The following ITGA7 variants were observed in gnomAD, a reference collection of about 807,000 sequenced individuals.
ITGA7 encodes the protein integrin subunit alpha 7, also known as integrin alpha-7.
A neutral mutation model predicts 131.6 loss-of-function variants in ITGA7; 84 were observed. That is an observed-to-expected ratio of 0.64 (90% CI 0.54 to 0.77). ITGA7 has a LOEUF of 0.77. Ranked by LOEUF, ITGA7 falls within the 30% of genes least tolerant of loss-of-function variation. The pLI, the probability that ITGA7 is intolerant of heterozygous loss-of-function variation, is 0.00. For missense variants in ITGA7, 1,399 were observed against 1,482.9 expected (o/e 0.94, Z 0.93); for synonymous variants, 548 against 600.7 (o/e 0.91, Z 1.28).
chr12:55,712,038 A>G (rs781368977), upstream of ITGA7: 23 of 1,537,844 alleles, frequency 1.5e-5, no homozygotes, highest in African/African-American at 2.7e-5. Context: ...CATGCACACC[A>G]TGAGAACTTT....
At chr12:55,703,592 CA>C (rs1874557543) in intron 1 of ITGA7, among the ~76,000 whole-genome samples, 1 of 152,128 alleles carries the variant, frequency 6.6e-6, no homozygotes. Flanking sequence ...AGTTGAAACC[CA>C]GCCAGAAATG....
Position 55,687,264 on chromosome 12 carries a change from A to G in ITGA7, c.3183+707T>C, listed in dbSNP as rs1279750116. ...GCAATCTTGGCTCACTGCAACCTCC[A>G]CCTCCCGGGTTCAAGCGATTCTCCT... is the stretch of plus-strand genomic sequence containing the variant. On this transcript the variant is annotated intron_variant, in intron 24 of 24. Transcript: ENST00000257879. Among the ~76,000 whole-genome samples, 4 of 121,408 alleles carry G rather than the reference A, an allele frequency of 3.3e-5. No homozygotes were observed. In the South Asian group the frequency reaches 1.1e-3, roughly 32 times the overall value. 79.6% of individuals were successfully genotyped at this position (121,408 alleles called of 152,430 possible).
chr12:55,701,269 A>G (rs1016242652), intron 3 of ITGA7, 115 bp from the exon 4 acceptor site: 2 of 1,560,240 alleles, frequency 1.3e-6, no homozygotes, highest in South Asian at 1.1e-5. Context: ...TCACATGCAC[A>G]TGCACATGCA....
Position 55,698,536 on chromosome 12 carries a change from G to A in ITGA7, c.1039C>T (p.Arg347Cys), listed in dbSNP as rs569613714. ...ACAGCACCCCCCAGCTCTTCTTGGC[G>A]CTCAAAGAAGTAGGGGGCACCCACT... ...LIVGAPYFFE[R>C]QEELGGAVYV... The change falls in exon 7 of 25, where the codon CGC (arginine) becomes TGC (cysteine). Residue 347 changes from arginine to cysteine, a missense_variant. Arg to Cys is a radical substitution (Grantham distance 180, BLOSUM62 -3). Coordinates refer to ENST00000257879, the MANE Select transcript of ITGA7 (RefSeq NM_002206.3). The A allele has an allele frequency of 1.0e-4, 168 of 1,613,906 alleles. No individual in the cohort carries two copies. In the South Asian group the frequency reaches 1.4e-3, roughly 13 times the overall value.
chr12:55,692,816 G>A, intron 21 of ITGA7, 28 bp downstream of exon 21: 1 of 1,588,542 alleles, frequency 6.3e-7, no homozygotes. Context: ...CCGGAGCTCT[G>A]GCTGCACCGA....
chr12:55,698,834 C>T lies in ITGA7; in HGVS notation c.874G>A (p.Gly292Ser). Residue 292 changes from glycine to serine, a missense_variant, in exon 6 of 25, where the codon GGT becomes AGT. Physicochemically the swap from Gly to Ser is moderately conservative, Grantham distance 56. Transcript: ENST00000257879. ...VAGAPRANHKGAVVILRKDSA... is the reference protein window; with the variant it reads ...VAGAPRANHKSAVVILRKDSA... Reference sequence around the variant, plus strand: ...TCCTTGCGCAGGATGACCACAGCACCCTTGTGGTTGGCGCGGGGGGCTCCA... The same window carrying T: ...TCCTTGCGCAGGATGACCACAGCACTCTTGTGGTTGGCGCGGGGGGCTCCA... 1 of 1,613,960 alleles carries T rather than the reference C, an allele frequency of 6.2e-7. No individual in the cohort carries two copies. Among genetic ancestry groups the T allele is most frequent in the East Asian group, 2.2e-5 (1 of 44,882 alleles).
In ITGA7 at chr12:55,693,180, C is replaced by T; in HGVS notation, c.2673G>A (p.Gln891=). The change falls in exon 20 of 25, where the codon CAG becomes CAA. Residue 891 remains glutamine, a synonymous_variant. Coordinates refer to ENST00000257879, the MANE Select transcript of ITGA7 (RefSeq NM_002206.3). ...VELEGGQGPG[Q]KGLCSPRPNI... is the part of the protein sequence containing the mutation. The stretch of plus-strand genomic sequence containing the variant: ...TGGGCCTGGGAGAGCAAAGCCCTTT[C>T]TGCCCAGGCCCCTGCCCGCCCTCCA... The T allele has an allele frequency of 1.9e-6, 3 of 1,614,118 alleles. No homozygotes were observed. Among genetic ancestry groups the T allele is most frequent in the South Asian group, 1.1e-5 (1 of 91,074 alleles).
chr12:55,704,211 C>T (rs1874693404), intron 1 of ITGA7, among the ~76,000 whole-genome samples: 1 of 152,228 alleles, frequency 6.6e-6, no homozygotes, highest in Non-Finnish European at 1.5e-5. Context: ...CCTCCATCTC[C>T]CTTCCTGGGG....
At chr12:55,692,152 C>A (rs999058947) in intron 21 of ITGA7, among the ~76,000 whole-genome samples, 6 of 152,170 alleles carry the variant, frequency 3.9e-5, no homozygotes, top group Admixed American at 1.3e-4. Flanking sequence ...GTGGCTCAGG[C>A]CTATAATCCC....
intron 3 of ITGA7, 125 bp downstream of exon 3, chr12:55,702,747 G>A (rs1189361609): frequency 2.5e-6 from 2 of 797,066 alleles, no homozygotes; most frequent in South Asian, 2.8e-5. Flanking sequence ...TCTCCCTGAT[G>A]TACTTGGAAT....
At position 55,697,018 on chromosome 12, in the gene ITGA7, C is replaced by A. The variant is rs766649206; in HGVS notation, c.1618G>T (p.Val540Phe). The A allele has an allele frequency of 2.4e-5, 39 of 1,613,974 alleles. No individual in the cohort carries two copies. The highest frequency in any genetic ancestry group is 6.7e-5 in the East Asian group (3 of 44,884). ...ADTDRRLRGQ[V>F]PRVTFLSRNL... The stretch of plus-strand genomic sequence containing the variant: ...CGGCTCAGGAACGTCACACGGGGAA[C>A]CTGGCCCCGGAGCCTCCGGTCTGTG... Residue 540 changes from valine (V) to phenylalanine (F), a missense_variant, in exon 12 of 25, where the codon GTT becomes TTT. By Grantham distance (50) the Val-to-Phe change is conservative. Transcript: ENST00000257879.
upstream of ITGA7, among the ~76,000 whole-genome samples, chr12:55,709,016 G>C (rs1383719730): frequency 6.6e-6 from 1 of 152,160 alleles, no homozygotes; most frequent in Non-Finnish European, 1.5e-5. Context: ...TGGCATAATG[G>C]GAACCTCGAA....
intron 21 of ITGA7, among the ~76,000 whole-genome samples, chr12:55,689,461 G>A (rs1475550998): frequency 2.6e-5 from 4 of 152,154 alleles, no homozygotes; most frequent in Admixed American, 6.5e-5. Flanking sequence ...ACCCAAACTC[G>A]CTGAAGGAGG....
chr12:55,692,374 C>A (rs570737251), intron 21 of ITGA7, among the ~76,000 whole-genome samples: 1 of 152,334 alleles, frequency 6.6e-6, no homozygotes, highest in African/African-American at 2.4e-5. Context: ...GAGATCGTGC[C>A]ACTGCACTCT....
upstream of ITGA7, among the ~76,000 whole-genome samples, chr12:55,712,562 C>T (rs1194030600): frequency 1.3e-5 from 2 of 152,218 alleles, no homozygotes; most frequent in African/African-American, 2.4e-5. Flanking sequence ...TGTGGAGTTG[C>T]ATTCATTCAG....
upstream of ITGA7, among the ~76,000 whole-genome samples, chr12:55,714,727 TACATATATAC>T (rs1388097538): frequency 1.3e-5 from 2 of 149,816 alleles, no homozygotes; most frequent in Non-Finnish European, 3.0e-5. Context: ...TACATATACA[TACATATATAC>T]ACATATATAC....
At chr12:55,702,783 T>C in intron 3 of ITGA7, 89 bp downstream of exon 3, 1 of 1,138,404 alleles carries the variant, frequency 8.8e-7, no homozygotes, top group Non-Finnish European at 1.3e-6. Context: ...ACTTGTGTTC[T>C]CTAAGCACAC....
intron 22 of ITGA7, 43 bp from the exon 23 acceptor site, chr12:55,688,343 G>C: frequency 7.5e-7 from 1 of 1,328,328 alleles, no homozygotes; most frequent in African/African-American, 1.4e-5. Flanking sequence ...AATGCCCCAT[G>C]TCTCCCTCCC....
In ITGA7 at chr12:55,695,633, T is replaced by G. The variant is rs531887716; in HGVS notation, c.1892A>C (p.His631Pro). The G allele has an allele frequency of 8.1e-6, 13 of 1,612,330 alleles. No individual in the cohort carries two copies. The South Asian group carries it at 1.4e-4, about 18-fold the overall frequency. Residue 631 changes from histidine (H) to proline (P), a missense_variant, in exon 14 of 25, where the codon CAC becomes CCC. Transcript: ENST00000257879. The part of the protein sequence containing the change: ...HQPSTQRAEI[H>P]FLKQGCGEDK... ...TTCACCACAGCCTTGCTTCAGGAAG[T>G]GGATCTGGGGAGAGACATGAGATAA...
Sources: gnomAD v4.1 joint callset for allele counts (sites outside exome capture counted in the v4.1 genomes callset) on GRCh38, gnomAD v4.1.1 for gene constraint, MANE v1.5 for transcripts, NCBI Gene and HGNC (gene_info 2026-07-23, HGNC 2026-07-21) for gene names.